Variants in RNF130 observed in about 807,000 individuals in gnomAD.
RNF130 encodes the protein E3 ubiquitin-protein ligase RNF130.
RNF130 carries 21 observed loss-of-function variants against 44.6 expected under a neutral mutation model. That is an observed-to-expected ratio of 0.47 (90% confidence interval 0.33 to 0.68). The LOEUF is 0.68. RNF130 is among the 30% of genes least tolerant of loss of function. RNF130 has a pLI of 0.02. For synonymous variants in RNF130, 214 were observed against 210.4 expected (o/e 1.02, Z -0.15); for missense variants, 479 against 560.6 (o/e 0.85, Z 1.47).
chr5:180,025,962 A>G (rs1763975009), intron 2 of RNF130, among the ~76,000 whole-genome samples: 1 of 152,206 alleles, frequency 6.6e-6, no homozygotes. Context: ...GTTTTCATAA[A>G]GTATTTTTTG....
chr5:180,009,888 T>A (rs1763545285), intron 3 of RNF130, among the ~76,000 whole-genome samples: 1 of 152,104 alleles, frequency 6.6e-6, no homozygotes, highest in African/African-American at 2.4e-5. Context: ...CAAACGGTGG[T>A]ACATCCAAAC....
intron 2 of RNF130, among the ~76,000 whole-genome samples, chr5:180,024,458 T>C (rs1488940954): frequency 1.3e-5 from 2 of 152,184 alleles, no homozygotes; most frequent in African/African-American, 4.8e-5. Flanking sequence ...AAGTTTTTTT[T>C]TAAAGACTCA....
chr5:180,011,816 G>C (rs1763602450), intron 3 of RNF130, among the ~76,000 whole-genome samples: 1 of 151,974 alleles, frequency 6.6e-6, no homozygotes, highest in Admixed American at 6.5e-5. Flanking sequence ...CATAGAAAAG[G>C]AAATACAGTA....
chr5:180,012,689 T>C (rs550684355), intron 3 of RNF130, among the ~76,000 whole-genome samples: 1 of 152,310 alleles, frequency 6.6e-6, no homozygotes, highest in Admixed American at 6.5e-5. Flanking sequence ...GAATTTCACA[T>C]AGGAAGGGGA....
chr5:180,070,280 C>T (rs1765218134), intron 1 of RNF130, among the ~76,000 whole-genome samples: 1 of 152,178 alleles, frequency 6.6e-6, no homozygotes, highest in South Asian at 2.1e-4. Context: ...ATTTTTAACA[C>T]AGTAGAGATG....
Position 180,020,949 on chromosome 5 carries a change from G to T in RNF130, c.443-7638C>A, listed in dbSNP as rs192008017. Among the ~76,000 whole-genome samples the T allele has an allele frequency of 3.0e-3, 450 of 152,180 alleles. 4 individuals carry two copies. The highest frequency in any genetic ancestry group is 0.014 in the Middle Eastern group (4 of 290). Reference sequence around the variant, plus strand: ...GAGTAGTTCTGTCCACAGGTCACCTGGATTTAAGTCTTAGGTCTTCCTTCC... The same window carrying T: ...GAGTAGTTCTGTCCACAGGTCACCTTGATTTAAGTCTTAGGTCTTCCTTCC... On this transcript the variant is annotated intron_variant, in intron 2 of 8. Coordinates refer to ENST00000521389, the MANE Select transcript of RNF130 (RefSeq NM_018434.6).
At chr5:180,049,552 T>C (rs2113156694) in intron 1 of RNF130, among the ~76,000 whole-genome samples, 1 of 152,344 alleles carries the variant, frequency 6.6e-6, no homozygotes, top group African/African-American at 2.4e-5. Flanking sequence ...TAATGTTAAC[T>C]GTACAAGTAT....
At chr5:180,046,492 T>C (rs148685211) in intron 1 of RNF130, among the ~76,000 whole-genome samples, 229 of 152,356 alleles carry the variant, frequency 1.5e-3, no homozygotes, top group African/African-American at 5.3e-3. Context: ...ACTCACCATG[T>C]TGTGTAGGCT....
intron 3 of RNF130, among the ~76,000 whole-genome samples, chr5:179,995,460 A>G (rs79682342): frequency 0.017 from 2,576 of 152,182 alleles, 77 homozygotes; most frequent in African/African-American, 0.059. Flanking sequence ...CAGTGTTCCA[A>G]TCCTGGCATG....
chr5:180,030,009 G>A (rs1192387923), intron 2 of RNF130, among the ~76,000 whole-genome samples: 6 of 144,114 alleles, frequency 4.2e-5, no homozygotes, highest in South Asian at 4.8e-4. Flanking sequence ...CACCACGCCC[G>A]GCTAATTTTT....
At chr5:179,946,508 TCTTC>T (rs1762039663) in intron 7 of RNF130, among the ~76,000 whole-genome samples, 1 of 149,950 alleles carries the variant, frequency 6.7e-6, no homozygotes, top group Admixed American at 6.8e-5. Context: ...GTACTAGCGT[TCTTC>T]TTAGTCTTAA....
chr5:180,004,932 A>AT (rs942830261), intron 3 of RNF130, among the ~76,000 whole-genome samples: 12 of 150,290 alleles, frequency 8.0e-5, no homozygotes, highest in South Asian at 4.2e-4. Context: ...ATTTTTTCCC[A>AT]TTTTTTTTTC....
chr5:179,917,918 A>G (rs1040336524), exon 8 of RNF130: 3 of 152,290 alleles, frequency 2.0e-5, no homozygotes, highest in African/African-American at 7.2e-5. Context: ...AGGTGGGAGG[A>G]TCACTTGAGC....
chr5:180,007,494 A>G (rs1335333733), intron 3 of RNF130, among the ~76,000 whole-genome samples: 2 of 152,188 alleles, frequency 1.3e-5, no homozygotes, highest in Admixed American at 1.3e-4. Context: ...CTTCTCTTTT[A>G]AAATAGCCAA....
intron 2 of RNF130, among the ~76,000 whole-genome samples, chr5:180,030,374 A>C (rs1414499786): frequency 3.3e-5 from 5 of 152,174 alleles, no homozygotes; most frequent in Non-Finnish European, 7.3e-5. Context: ...AACAGCCTTA[A>C]TGAGGTATAA....
At chr5:180,033,408 T>G (rs1210583539) in intron 2 of RNF130, among the ~76,000 whole-genome samples, 1 of 152,220 alleles carries the variant, frequency 6.6e-6, no homozygotes, top group South Asian at 2.1e-4. Context: ...TTTTGGAACG[T>G]TCATAGCTAG....
intron 3 of RNF130, among the ~76,000 whole-genome samples, chr5:179,996,975 C>T (rs1267444851): frequency 6.6e-6 from 1 of 152,178 alleles, no homozygotes; most frequent in Non-Finnish European, 1.5e-5. Flanking sequence ...CTTTTAATTA[C>T]AGATTCACTT....
Position 180,022,952 on chromosome 5 carries a change from C to T in RNF130, c.443-9641G>A, listed in dbSNP as rs189568823. Among the ~76,000 whole-genome samples, 18 of 152,280 alleles carry T rather than the reference C, an allele frequency of 1.2e-4. No homozygotes were observed. In the East Asian group the frequency reaches 3.3e-3, roughly 28 times the overall value. ...AGATTCAGGTTGGGAGGAAAGTGGG[C>T]TACAGAAGCTTTCACGCCAAGCACC... is the stretch of plus-strand genomic sequence containing the variant. On this transcript the variant is annotated intron_variant, in intron 2 of 8. Transcript: ENST00000521389.
At chr5:180,055,117 C>T (rs978674379) in intron 1 of RNF130, among the ~76,000 whole-genome samples, 1 of 151,770 alleles carries the variant, frequency 6.6e-6, no homozygotes, top group Non-Finnish European at 1.5e-5. Context: ...CCAAGGCGGG[C>T]AGATCTCATG....
Sources: gnomAD v4.1 joint callset for allele counts (sites outside exome capture counted in the v4.1 genomes callset) on GRCh38, gnomAD v4.1.1 for gene constraint, MANE v1.5 for transcripts, NCBI Gene and HGNC (gene_info 2026-07-23, HGNC 2026-07-21) for gene names.